COX7A2L: variants seen among roughly 807,000 people sequenced by gnomAD.
COX7A2L encodes the protein cytochrome c oxidase subunit 7A2-like, mitochondrial.
A neutral mutation model predicts 14.2 loss-of-function variants in COX7A2L; 18 were observed. The observed-to-expected ratio is 1.27, with a 90% CI of 0.88 to 1.88. COX7A2L has a LOEUF of 1.88. COX7A2L is among the 40% of genes most tolerant of loss of function. COX7A2L has a pLI of 0.00. For synonymous variants in COX7A2L, 65 were observed against 57.4 expected, an observed-to-expected ratio of 1.13 and a Z score of -0.60; for missense variants, 179 against 138.8, an observed-to-expected ratio of 1.29 and a Z score of -1.46.
chr2:42,367,096 CAGATTCTCAGAT>C (rs1376590337), intron 1 of COX7A2L, among the ~76,000 whole-genome samples: 6 of 152,196 alleles, frequency 3.9e-5, no homozygotes, highest in African/African-American at 1.4e-4. Flanking sequence ...CCTTTCTCCT[CAGATTCTCAGAT>C]GGTGGAGATT....
intron 1 of COX7A2L, among the ~76,000 whole-genome samples, chr2:42,354,761 C>A (rs899447152): frequency 2.6e-5 from 4 of 152,190 alleles, no homozygotes; most frequent in African/African-American, 9.6e-5. Context: ...ACATTTATTA[C>A]TGATCACTTG....
chr2:42,367,752 C>T (rs1321745483), intron 1 of COX7A2L, among the ~76,000 whole-genome samples: 2 of 152,332 alleles, frequency 1.3e-5, no homozygotes, highest in Non-Finnish European at 2.9e-5. Flanking sequence ...TTCCAAACAA[C>T]CCAGGGGTTT....
chr2:42,367,323 G>A (rs1671183020), intron 1 of COX7A2L, among the ~76,000 whole-genome samples: 1 of 152,128 alleles, frequency 6.6e-6, no homozygotes, highest in South Asian at 2.1e-4. Context: ...TAAATCAGAG[G>A]ATTAGCCACG....
At chr2:42,337,799 T>A (rs769639714) in intron 2 of COX7A2L, among the ~76,000 whole-genome samples, 1 of 152,182 alleles carries the variant, frequency 6.6e-6, no homozygotes, top group Non-Finnish European at 1.5e-5. Context: ...GAAGGGAATA[T>A]GGAGAAGAAA....
In COX7A2L at chr2:42,338,994, G is replaced by C. The variant is rs1280374217; in HGVS notation, c.193-5125C>G. Among the ~76,000 whole-genome samples the C allele has an allele frequency of 6.6e-6, 1 of 152,144 alleles. No homozygotes were observed. The highest frequency in any genetic ancestry group is 1.5e-5 in the Non-Finnish European group (1 of 68,030). ...GGAAGGCTGTCCCCTCTGATCACTG[G>C]CTGGAGCCTGCATCACAGTCACCCG... On this transcript the variant is annotated intron_variant, in intron 2 of 2. Coordinates refer to the COX7A2L transcript ENST00000468711. The surrounding 1 kb of genome is among the most constrained non-coding windows in gnomAD (Gnocchi z 4.4).
At chr2:42,349,159 C>T (rs955055669), downstream of COX7A2L, among the ~76,000 whole-genome samples, 3 of 152,178 alleles carry the variant, frequency 2.0e-5, no homozygotes, top group Admixed American at 1.3e-4. Context: ...AACATATGTT[C>T]ACTATTGCTC....
At chr2:42,356,766 A>G (rs1002755176) in intron 1 of COX7A2L, among the ~76,000 whole-genome samples, 7 of 152,146 alleles carry the variant, frequency 4.6e-5, no homozygotes, top group African/African-American at 1.7e-4. Context: ...TTTCTACAAA[A>G]TATCAAAAAA....
Position 42,361,154 on chromosome 2 carries a change from T to A in COX7A2L, c.8A>T (p.Tyr3Phe), listed in dbSNP as rs1400073087. ...CTTCTGCGTGAAGCCACTAAACTTGTAGTACATGACGCCCAGAGTCCGGCT... is the reference window on the plus strand; with the variant it reads ...CTTCTGCGTGAAGCCACTAAACTTGAAGTACATGACGCCCAGAGTCCGGCT... MY[Y>F]KFSGFTQKLA... The change falls in exon 1 of 3, where the codon TAC (tyrosine) becomes TTC (phenylalanine). Residue 3 changes from tyrosine (Y) to phenylalanine (F), a missense_variant. By Grantham distance (22) the Tyr-to-Phe change is conservative. Transcript: ENST00000234301. 3 of 1,613,044 alleles carry A rather than the reference T, an allele frequency of 1.9e-6. No homozygotes were observed. The highest frequency in any genetic ancestry group is 2.5e-6 in the Non-Finnish European group (3 of 1,179,522).
upstream of COX7A2L, among the ~76,000 whole-genome samples, chr2:42,365,030 A>G (rs771215539): frequency 7.2e-5 from 11 of 152,256 alleles, no homozygotes; most frequent in Non-Finnish European, 1.3e-4. Context: ...CTGGTTAAGA[A>G]AGGCTGAGGT....
upstream of COX7A2L, among the ~76,000 whole-genome samples, chr2:42,363,476 T>A (rs1671101667): frequency 6.6e-6 from 1 of 152,226 alleles, no homozygotes; most frequent in African/African-American, 2.4e-5. Flanking sequence ...AAGGTGCCTG[T>A]CAACACTGGT....
intron 2 of COX7A2L, among the ~76,000 whole-genome samples, chr2:42,344,046 A>G (rs1344988922): frequency 6.6e-6 from 1 of 152,230 alleles, no homozygotes; most frequent in Non-Finnish European, 1.5e-5. Flanking sequence ...GGACAAGTGT[A>G]AAGTAGCCAT....
chr2:42,349,091 C>T (rs1670559959), downstream of COX7A2L, among the ~76,000 whole-genome samples: 1 of 152,070 alleles, frequency 6.6e-6, no homozygotes. Context: ...TACCATATGA[C>T]CCAGGAATTC....
chr2:42,340,665 C>G (rs1055196870), intron 2 of COX7A2L, among the ~76,000 whole-genome samples: 2 of 152,054 alleles, frequency 1.3e-5, no homozygotes, highest in African/African-American at 2.4e-5. Context: ...TTCCCCATGT[C>G]CTCTAGTGGA....
At chr2:42,364,541 T>A (rs1195127925), upstream of COX7A2L, among the ~76,000 whole-genome samples, 1 of 151,888 alleles carries the variant, frequency 6.6e-6, no homozygotes, top group Admixed American at 6.6e-5. Context: ...CAAAATGGAG[T>A]GCTAAACTCA....
chr2:42,346,454 G>A (rs1336607166), downstream of COX7A2L, among the ~76,000 whole-genome samples: 3 of 152,162 alleles, frequency 2.0e-5, no homozygotes, highest in African/African-American at 7.2e-5. Flanking sequence ...GAGGAAGTCA[G>A]CCCAATAGAC....
At chr2:42,362,957 CT>C (rs1287788290), upstream of COX7A2L, among the ~76,000 whole-genome samples, 1 of 146,302 alleles carries the variant, frequency 6.8e-6, no homozygotes, top group East Asian at 2.0e-4. Flanking sequence ...TCATTGCAGC[CT>C]TGACTTCCCA....
rs913452555 is a variant in COX7A2L at position 42,339,095 on chromosome 2, C to G, written c.193-5226G>C. On this transcript the variant is annotated intron_variant, in intron 2 of 2. Coordinates refer to the COX7A2L transcript ENST00000468711. The surrounding 1 kb of genome is among the most constrained non-coding windows in gnomAD (Gnocchi z 5.4). ...CAGATGGCTCCGTTAATAAAGCTGC[C>G]GTTCACCATGCCAAAGCTGAAGTGG... Among the ~76,000 whole-genome samples the G allele has an allele frequency of 1.3e-5, 2 of 152,212 alleles. No homozygotes were observed. The highest frequency in any genetic ancestry group is 4.8e-5 in the African/African-American group (2 of 41,456).
upstream of COX7A2L, among the ~76,000 whole-genome samples, chr2:42,364,337 T>C (rs1671117779): frequency 6.6e-6 from 1 of 151,782 alleles, no homozygotes; most frequent in African/African-American, 2.4e-5. Context: ...CATTGTGGGC[T>C]CCCGTTTCTG....
In COX7A2L at chr2:42,351,050, C is replaced by G; in HGVS notation, c.*169G>C. ...GCTTTAACTGTCGAATGAGCTCTGA[C>G]AAGCCATATGCATTTCATAAACAAA... On this transcript the variant is annotated 3_prime_UTR_variant, in exon 3 of 3. Coordinates refer to ENST00000234301, the MANE Select transcript of COX7A2L (RefSeq NM_004718.4). 4 of 672,438 alleles carry G rather than the reference C, an allele frequency of 5.9e-6. 1 individual carries two copies. In the South Asian group the frequency reaches 1.0e-4, roughly 17 times the overall value. The allele number at this position is 672,438 out of a possible 1,614,324, so 41.7% of individuals were successfully genotyped here. A position where few individuals can be genotyped will look rare whatever the true frequency, so the allele number is the denominator to read the frequency against.
Sources: allele counts gnomAD v4.1 joint callset (sites outside exome capture counted in the v4.1 genomes callset), GRCh38; gene constraint gnomAD v4.1.1; non-coding constraint Gnocchi (gnomAD v3.1); transcripts MANE v1.5; gene names NCBI Gene and HGNC (gene_info 2026-07-23, HGNC 2026-07-21).